The following DLG2 variants were observed in gnomAD, a reference collection of about 807,000 sequenced individuals.
DLG2 encodes discs large MAGUK scaffold protein 2.
DLG2 carries 45 observed loss-of-function variants against 132.5 expected under a neutral mutation model. The ratio of observed to expected loss-of-function variants is 0.34; its 90% confidence interval spans 0.27 to 0.44. DLG2 has a LOEUF of 0.44. Among genes scored for constraint, DLG2 ranks in the 20% least tolerant of loss-of-function variants. The pLI, the probability that DLG2 is intolerant of heterozygous loss-of-function variation, is 1.00. For synonymous variants in DLG2, 424 were observed against 419.6 expected (o/e 1.01, Z -0.13); for missense variants, 1,045 against 1,196.9 (o/e 0.87, Z 1.87).
intron 6 of DLG2, among the ~76,000 whole-genome samples, chr11:84,645,600 T>G (rs1230425462): frequency 1.3e-5 from 2 of 152,176 alleles, no homozygotes; most frequent in African/African-American, 4.8e-5. Flanking sequence ...CCTGAGTAGC[T>G]GGGACTACAG....
At chr11:84,862,612 C>A (rs1164087450) in intron 6 of DLG2, among the ~76,000 whole-genome samples, 3 of 152,176 alleles carry the variant, frequency 2.0e-5, no homozygotes, top group African/African-American at 7.2e-5. Flanking sequence ...AAATGTGGCA[C>A]ATAGACACCA....
intron 3 of DLG2, among the ~76,000 whole-genome samples, chr11:85,310,324 T>C (rs2080235663): frequency 6.6e-6 from 1 of 152,140 alleles, no homozygotes; most frequent in Non-Finnish European, 1.5e-5. Flanking sequence ...AAGAAAATAG[T>C]AAAGATAACC....
At chr11:84,055,150 G>A (rs1048584567) in intron 11 of DLG2, among the ~76,000 whole-genome samples, 2 of 151,932 alleles carry the variant, frequency 1.3e-5, no homozygotes, top group Non-Finnish European at 2.9e-5. Flanking sequence ...GGTTCCCTCT[G>A]TCCTCAGAGA....
intron 16 of DLG2, among the ~76,000 whole-genome samples, chr11:83,864,051 C>T (rs550862301): frequency 6.6e-6 from 1 of 152,282 alleles, no homozygotes; most frequent in South Asian, 2.1e-4. Context: ...TTCTATACTT[C>T]CATGTAGCTC....
At chr11:84,047,697 A>G (rs1301793465) in intron 11 of DLG2, among the ~76,000 whole-genome samples, 1 of 151,656 alleles carries the variant, frequency 6.6e-6, no homozygotes, top group Non-Finnish European at 1.5e-5. Flanking sequence ...TCAAGGAGCC[A>G]TTGATCATAT....
intron 21 of DLG2, among the ~76,000 whole-genome samples, chr11:83,501,403 G>A (rs1027970765): frequency 4.6e-5 from 7 of 152,050 alleles, no homozygotes; most frequent in African/African-American, 1.7e-4. Context: ...ATGGCTTTCA[G>A]AATCCAGTGA....
chr11:84,617,595 C>T (rs1193651902), intron 6 of DLG2, among the ~76,000 whole-genome samples: 3 of 152,088 alleles, frequency 2.0e-5, no homozygotes, highest in African/African-American at 7.2e-5. Flanking sequence ...ATTTACACGC[C>T]CACCAAAAAT....
chr11:85,595,750 T>C (rs1418319552), intron 3 of DLG2, among the ~76,000 whole-genome samples: 1 of 152,208 alleles, frequency 6.6e-6, no homozygotes, highest in African/African-American at 2.4e-5. Context: ...AAGCAATGTA[T>C]TTAACCATTG....
chr11:83,952,036 C>G (rs960994366), intron 14 of DLG2, among the ~76,000 whole-genome samples: 1 of 152,044 alleles, frequency 6.6e-6, no homozygotes, highest in Non-Finnish European at 1.5e-5. Context: ...TCCCATAGAA[C>G]CGTCATTTAT....
intron 7 of DLG2, among the ~76,000 whole-genome samples, chr11:84,516,206 A>G (rs2099272434): frequency 6.6e-6 from 1 of 151,664 alleles, no homozygotes; most frequent in South Asian, 2.1e-4. Flanking sequence ...CAAAGTTAAT[A>G]AAAGGACGGA....
At chr11:84,640,020 G>A (rs2099653934) in intron 6 of DLG2, 1 of 264,766 alleles carries the variant, frequency 3.8e-6, no homozygotes, top group Non-Finnish European at 7.1e-6. Flanking sequence ...CAATCAGACT[G>A]TCGGCACTCC....
chr11:85,023,941 C>T (rs1019859026), intron 6 of DLG2, among the ~76,000 whole-genome samples: 1 of 152,050 alleles, frequency 6.6e-6, no homozygotes, highest in Non-Finnish European at 1.5e-5. Context: ...AATTAAGGTA[C>T]ATTTTTGTAG....
At chr11:85,264,672 T>G (rs1249304942) in intron 4 of DLG2, among the ~76,000 whole-genome samples, 1 of 152,126 alleles carries the variant, frequency 6.6e-6, no homozygotes, top group Non-Finnish European at 1.5e-5. Flanking sequence ...CAGCACCGTA[T>G]CCACATGGAA....
chr11:83,692,482 G>A (rs1188539903), intron 18 of DLG2, among the ~76,000 whole-genome samples: 1 of 152,188 alleles, frequency 6.6e-6, no homozygotes, highest in Admixed American at 6.5e-5. Flanking sequence ...AGGGCTGGAG[G>A]TAGGGGGTGG....
intron 3 of DLG2, among the ~76,000 whole-genome samples, chr11:85,432,081 G>A (rs574395808): frequency 3.8e-4 from 58 of 152,290 alleles, no homozygotes; most frequent in African/African-American, 1.4e-3. Context: ...TACCGAAGAG[G>A]AACCTGACTG....
At chr11:85,189,147 C>T (rs1253565975) in intron 4 of DLG2, among the ~76,000 whole-genome samples, 3 of 151,986 alleles carry the variant, frequency 2.0e-5, no homozygotes, top group African/African-American at 7.2e-5. Flanking sequence ...GGCTGACTTC[C>T]CATAAGAAAG....
At position 84,439,856 on chromosome 11, in the gene DLG2, T is replaced by C. The variant is rs554441714; in HGVS notation, c.519+94714A>G. On this transcript the variant is annotated intron_variant, in intron 7 of 27. Coordinates refer to ENST00000376104, the MANE Select transcript of DLG2 (RefSeq NM_001142699.3). Reference sequence around the variant, plus strand: ...TTAGAAAATTTTGTTTTTAACACCTTAGACAGAATCAGACAATAAAGAGGT... The same window carrying C: ...TTAGAAAATTTTGTTTTTAACACCTCAGACAGAATCAGACAATAAAGAGGT... Among the ~76,000 whole-genome samples, 54 of 152,310 alleles carry C rather than the reference T, an allele frequency of 3.5e-4. 1 individual carries two copies. The South Asian group carries it at 0.011, about 30-fold the overall frequency.
intron 6 of DLG2, among the ~76,000 whole-genome samples, chr11:84,952,262 C>T (rs1038617412): frequency 6.6e-6 from 1 of 152,144 alleles, no homozygotes; most frequent in Non-Finnish European, 1.5e-5. Context: ...AAAACCAGAA[C>T]TGGCCGGGCG....
chr11:83,544,292 ATCC>A, intron 19 of DLG2, among the ~76,000 whole-genome samples: 1 of 152,166 alleles, frequency 6.6e-6, no homozygotes, highest in East Asian at 1.9e-4. Flanking sequence ...CCTGTGAACT[ATCC>A]TAGTGAGTCA....
Sources: allele counts gnomAD v4.1 joint callset (sites outside exome capture counted in the v4.1 genomes callset), GRCh38; gene constraint gnomAD v4.1.1; transcripts MANE v1.5; gene names NCBI Gene and HGNC (gene_info 2026-07-23, HGNC 2026-07-21).